SNX32: variants seen among roughly 807,000 people sequenced by gnomAD.
The protein encoded by SNX32 is sorting nexin 32, also known as sorting nexin-32.
SNX32 carries 58 observed loss-of-function variants against 57.0 expected under a neutral mutation model. That is an observed-to-expected ratio of 1.02 (90% CI 0.82 to 1.27). The LOEUF is 1.27. Among genes scored for constraint, SNX32 ranks in the 50% most tolerant of loss-of-function variants. The probability of loss-of-function intolerance (pLI) is 0.00; values close to 1 mark genes in which losing one functional copy is unlikely to be tolerated. For synonymous variants in SNX32, 262 were observed against 220.4 expected (o/e 1.19, Z -1.67); for missense variants, 589 against 541.2 (o/e 1.09, Z -0.88).
Position 65,834,167 on chromosome 11 carries a change from T to A in SNX32, c.36+66T>A, listed in dbSNP as rs377007940. 1.6e-4 allele frequency: 228 copies of A among 1,460,150 alleles called. 1 individual carries two copies. The East Asian group carries it at 5.4e-3, about 35-fold the overall frequency. The allele number at this position is 1,460,150 out of a possible 1,614,324, so 90.4% of individuals were successfully genotyped here. The stretch of plus-strand genomic sequence containing the variant: ...CTCCATGAAAGCCCGTGATGCCCAA[T>A]CATGCGGTGGTGTGTGTGTGTCTGT... On this transcript the variant is annotated intron_variant, in intron 1 of 12. Coordinates refer to ENST00000308342, the MANE Select transcript of SNX32 (RefSeq NM_152760.3).
At chr11:65,846,969 GTGAAACTCCATTTCAAAAA>G (rs1430136010) in intron 1 of SNX32, among the ~76,000 whole-genome samples, 2 of 151,100 alleles carry the variant, frequency 1.3e-5, no homozygotes, top group Non-Finnish European at 2.9e-5. Flanking sequence ...GGCAACAAGA[GTGAAACTCCATTTCAAAAA>G]AAAAAATTTA....
chr11:65,849,411 G>C, intron 1 of SNX32, 67 bp from the exon 2 acceptor site: 1 of 1,243,200 alleles, frequency 8.0e-7, no homozygotes, highest in Admixed American at 2.0e-5. Flanking sequence ...GGATCAGAAA[G>C]CCTGCAGGGC....
At chr11:65,847,730 C>CT (rs1859040875) in intron 1 of SNX32, among the ~76,000 whole-genome samples, 1 of 151,988 alleles carries the variant, frequency 6.6e-6, no homozygotes, top group Non-Finnish European at 1.5e-5. Flanking sequence ...GCCAACATGG[C>CT]AAAACCCCGT....
In SNX32 at chr11:65,850,342, T is replaced by A. The variant is rs1859136979; in HGVS notation, c.374+71T>A. ...TTCCCCAGCTATCTCCCCATGAATG[T>A]TTAGCAACCCTGACCTCTGACCCCA... is the stretch of plus-strand genomic sequence containing the variant. On this transcript the variant is annotated intron_variant, in intron 4 of 12. Coordinates refer to ENST00000308342, the MANE Select transcript of SNX32 (RefSeq NM_152760.3). The A allele has an allele frequency of 1.9e-6, 3 of 1,613,300 alleles. No individual in the cohort carries two copies. In the African/African-American group the frequency reaches 4.0e-5, roughly 22 times the overall value.
At chr11:65,848,783 C>A (rs1859073488) in intron 1 of SNX32, among the ~76,000 whole-genome samples, 1 of 152,104 alleles carries the variant, frequency 6.6e-6, no homozygotes, top group Admixed American at 6.5e-5. Context: ...TTAAGGGATG[C>A]CTGAGGTAGC....
chr11:65,836,451 G>A (rs1260982381), intron 1 of SNX32, among the ~76,000 whole-genome samples: 1 of 150,820 alleles, frequency 6.6e-6, no homozygotes, highest in Non-Finnish European at 1.5e-5. Flanking sequence ...GACTGAGACA[G>A]GAGAATAGCT....
intron 5 of SNX32, 67 bp downstream of exon 5, chr11:65,850,621 A>G: frequency 1.3e-6 from 2 of 1,559,470 alleles, no homozygotes; most frequent in South Asian, 2.3e-5. Flanking sequence ...GGAGGCACCC[A>G]GGGGTGGCAG....
Position 65,836,753 on chromosome 11 carries a change from C to T in SNX32, c.36+2652C>T, listed in dbSNP as rs531267725. On this transcript the variant is annotated intron_variant, in intron 1 of 12. Transcript: ENST00000308342. ...AAGAATATCATGTCCTTTCCAGGGACCTGGATGAAGCTGGAAGCCATCATT... is the reference window on the plus strand; with the variant it reads ...AAGAATATCATGTCCTTTCCAGGGATCTGGATGAAGCTGGAAGCCATCATT... Among the ~76,000 whole-genome samples the T allele has an allele frequency of 7.9e-5, 12 of 152,142 alleles. No individual in the cohort carries two copies. In the East Asian group the frequency reaches 2.3e-3, roughly 29 times the overall value.
At chr11:65,845,301 G>C (rs1030531972) in intron 1 of SNX32, among the ~76,000 whole-genome samples, 10 of 151,974 alleles carry the variant, frequency 6.6e-5, no homozygotes, top group Middle Eastern at 3.4e-3. Flanking sequence ...AGCTGGGCGT[G>C]GTGGTGTATG....
intron 1 of SNX32, among the ~76,000 whole-genome samples, chr11:65,844,179 T>C (rs539802064): frequency 6.6e-6 from 1 of 152,124 alleles, no homozygotes; most frequent in African/African-American, 2.4e-5. Flanking sequence ...ATCACCCAAA[T>C]GATTCTGAAA....
At chr11:65,843,178 G>A (rs192336096) in intron 1 of SNX32, among the ~76,000 whole-genome samples, 1,636 of 146,768 alleles carry the variant, frequency 0.011, 14 homozygotes, top group Non-Finnish European at 0.016. Context: ...CCGAGATTGC[G>A]CCAGTGCACT....
intron 1 of SNX32, among the ~76,000 whole-genome samples, chr11:65,834,685 TGCCTGTGTGTGTCTGCGCAG>T (rs1243916256): frequency 1.3e-5 from 2 of 151,822 alleles, no homozygotes. Flanking sequence ...TGCACGCATG[TGCCTGTGTGTGTCTGCGCAG>T]GTCTGTGTCT....
At chr11:65,839,196 GC>G (rs1858751430) in intron 1 of SNX32, among the ~76,000 whole-genome samples, 1 of 134,480 alleles carries the variant, frequency 7.4e-6, no homozygotes, top group Admixed American at 7.8e-5. Context: ...CTACAGCTGT[GC>G]CCCACCACGC....
chr11:65,851,509 T>C, intron 8 of SNX32, 106 bp downstream of exon 8: 3 of 1,508,168 alleles, frequency 2.0e-6, no homozygotes, highest in Non-Finnish European at 2.8e-6. Flanking sequence ...GTGGGAGGTG[T>C]AGGCTCTCCT....
intron 1 of SNX32, among the ~76,000 whole-genome samples, chr11:65,836,242 TG>T (rs1858665292): frequency 6.6e-6 from 1 of 151,598 alleles, no homozygotes; most frequent in Non-Finnish European, 1.5e-5. Context: ...GAGGAGAAAA[TG>T]AAATAATATA....
In SNX32 at chr11:65,852,930, T is replaced by C. The variant is rs1362141508; in HGVS notation, c.1130T>C (p.Leu377Pro). The C allele has an allele frequency of 6.2e-7, 1 of 1,614,120 alleles. No individual in the cohort carries two copies. Among genetic ancestry groups the C allele is most frequent in the East Asian group, 2.2e-5 (1 of 44,872 alleles). The change falls in exon 12 of 13, where the codon CTG (leucine) becomes CCG (proline). Residue 377 changes from leucine (L) to proline (P), a missense_variant. Transcript: ENST00000308342. Reference sequence around the variant, plus strand: ...TCTTTTCGAAAGAATCTCATTGAGCTGGCAGAGCTGGAGCTCAAACACGCC... The same window carrying C: ...TCTTTTCGAAAGAATCTCATTGAGCCGGCAGAGCTGGAGCTCAAACACGCC... Reference protein sequence around the residue: ...VSSFRKNLIELAELELKHAKA... With the variant: ...VSSFRKNLIEPAELELKHAKA...
At position 65,851,634 on chromosome 11, in the gene SNX32, T is replaced by A. The variant is rs1457814168; in HGVS notation, c.786-6T>A. ...CTACCCTAACTCCCTCCCTACTGCT[T>A]CCTAGGAGCTTCCTCAAATTGGCAG... On this transcript the variant is annotated splice_region_variant and splice_polypyrimidine_tract_variant and intron_variant, in intron 8 of 12. Transcript: ENST00000308342. 6.2e-7 allele frequency: 1 copy of A among 1,614,028 alleles called. No individual in the cohort carries two copies. The highest frequency in any genetic ancestry group is 1.1e-5 in the South Asian group (1 of 91,080).
intron 1 of SNX32, among the ~76,000 whole-genome samples, chr11:65,835,070 T>G (rs754901205): frequency 2.2e-4 from 34 of 151,338 alleles, no homozygotes; most frequent in Non-Finnish European, 4.0e-4. Context: ...TGTCTGTGTG[T>G]GCGTGTGTCT....
rs1183789591 is a variant in SNX32, at chr11:65,851,078, T to A, written c.627T>A (p.His209Gln). Residue 209 changes from histidine to glutamine, a missense_variant, in exon 7 of 13, where the codon CAT (histidine) becomes CAA (glutamine). Coordinates refer to ENST00000308342, the MANE Select transcript of SNX32 (RefSeq NM_152760.3). ...AGGAGGTGGATGACTTCTTTGAGCA[T>A]GAGAGGACCTTCCTGTTGGAGTATC... ...GLKEVDDFFE[H>Q]ERTFLLEYHT... 2 of 1,610,520 alleles carry A rather than the reference T, an allele frequency of 1.2e-6. No individual in the cohort carries two copies. Among genetic ancestry groups the A allele is most frequent in the East Asian group, 4.5e-5 (2 of 44,866 alleles).
Sources: gnomAD v4.1 joint callset for allele counts (sites outside exome capture counted in the v4.1 genomes callset) on GRCh38, gnomAD v4.1.1 for gene constraint, MANE v1.5 for transcripts, NCBI Gene and HGNC (gene_info 2026-07-23, HGNC 2026-07-21) for gene names.